The following PARD3 variants were observed in gnomAD, a reference collection of about 807,000 sequenced individuals.
PARD3 encodes par-3 family cell polarity regulator, also known as partitioning defective 3 homolog.
A neutral mutation model predicts 155.4 loss-of-function variants in PARD3; 75 were observed. That is an observed-to-expected ratio of 0.48 (90% confidence interval 0.40 to 0.58). The LOEUF (loss-of-function observed/expected upper bound fraction) is 0.58, where lower values mean the gene tolerates loss of function less well. PARD3 is among the 20% of genes least tolerant of loss of function. The pLI is 0.00. For synonymous variants in PARD3, 576 were observed against 610.5 expected, an observed-to-expected ratio of 0.94 and a Z score of 0.83; for missense variants, 1,642 against 1,721.7, an observed-to-expected ratio of 0.95 and a Z score of 0.82.
chr10:34,545,383 A>G (rs1378607498), intron 2 of PARD3, among the ~76,000 whole-genome samples: 1 of 152,214 alleles, frequency 6.6e-6, no homozygotes, highest in African/African-American at 2.4e-5. Context: ...TGTTAGGGCC[A>G]AACACCAGCA....
intron 2 of PARD3, among the ~76,000 whole-genome samples, chr10:34,641,464 A>G (rs1048130248): frequency 1.3e-5 from 2 of 152,206 alleles, no homozygotes; most frequent in African/African-American, 2.4e-5. Flanking sequence ...TGAGCCCTGC[A>G]TTCTGGTCTT....
chr10:34,415,684 C>T (rs765827192), intron 5 of PARD3, among the ~76,000 whole-genome samples: 10 of 152,158 alleles, frequency 6.6e-5, no homozygotes, highest in Non-Finnish European at 1.2e-4. Context: ...TATGGCACCT[C>T]AGTGGGATTA....
intron 2 of PARD3, among the ~76,000 whole-genome samples, chr10:34,610,633 C>T (rs563054573): frequency 1.3e-5 from 2 of 152,252 alleles, no homozygotes; most frequent in South Asian, 4.1e-4. Context: ...CTAGAATACG[C>T]TAGACAGATT....
chr10:34,209,967 GGAGAT>G (rs1951660842), intron 22 of PARD3, among the ~76,000 whole-genome samples: 3 of 152,254 alleles, frequency 2.0e-5, no homozygotes, highest in African/African-American at 7.2e-5. Flanking sequence ...CTTACCTAGT[GGAGAT>G]GAGACTCATT....
chr10:34,801,171 C>T (rs1167519183), intron 1 of PARD3, among the ~76,000 whole-genome samples: 1 of 152,196 alleles, frequency 6.6e-6, no homozygotes, highest in Non-Finnish European at 1.5e-5. Flanking sequence ...AAAATACATT[C>T]CTATCTCCCG....
At chr10:34,183,637 T>C (rs1368512537) in intron 22 of PARD3, among the ~76,000 whole-genome samples, 1 of 152,154 alleles carries the variant, frequency 6.6e-6, no homozygotes, top group Non-Finnish European at 1.5e-5. Flanking sequence ...TGCATTTGCA[T>C]ATTAAAAGTC....
At chr10:34,798,198 A>T (rs981112122) in intron 1 of PARD3, among the ~76,000 whole-genome samples, 13 of 152,000 alleles carry the variant, frequency 8.6e-5, no homozygotes, top group African/African-American at 3.1e-4. Context: ...GCATGGTAGC[A>T]TGTACCTGTA....
At position 34,109,813 on chromosome 10, in the gene PARD3, TAAA is replaced by T. The variant is rs201800272; in HGVS notation, c.*1353_*1355del. On this transcript the variant is annotated 3_prime_UTR_variant, in exon 25 of 25. Transcript: ENST00000374788. ...TCAACACAAAAATACAATGTGCCAA[TAAA>T]AAAAAAATAGACATATCCATACATG... 1 of 147,824 alleles carries T rather than the reference TAAA, an allele frequency of 6.8e-6. No individual in the cohort carries two copies. Among genetic ancestry groups the T allele is most frequent in the African/African-American group, 2.5e-5 (1 of 40,432 alleles). The allele number at this position is 147,824 out of a possible 1,614,324, so 9.2% of individuals were successfully genotyped here.
chr10:34,496,695 G>A (rs530576221), intron 3 of PARD3, among the ~76,000 whole-genome samples: 12 of 152,236 alleles, frequency 7.9e-5, no homozygotes, highest in Middle Eastern at 3.4e-3. Context: ...ATGCACAGGG[G>A]TCAGGCAGGA....
At chr10:34,329,635 C>A (rs1281378801) in intron 19 of PARD3, among the ~76,000 whole-genome samples, 1 of 151,904 alleles carries the variant, frequency 6.6e-6, no homozygotes, top group African/African-American at 2.4e-5. Context: ...CACCAGGAGG[C>A]TGCAACTGGG....
At chr10:34,746,138 A>G (rs1835301197) in intron 1 of PARD3, among the ~76,000 whole-genome samples, 1 of 151,882 alleles carries the variant, frequency 6.6e-6, no homozygotes, top group Non-Finnish European at 1.5e-5. Context: ...AGAAACAAAG[A>G]AGCCACTAAA....
At chr10:34,702,438 T>C (rs1307007448) in intron 1 of PARD3, among the ~76,000 whole-genome samples, 1 of 152,090 alleles carries the variant, frequency 6.6e-6, no homozygotes, top group Non-Finnish European at 1.5e-5. Flanking sequence ...AAGTCTGTAG[T>C]AATTAAAGCC....
At chr10:34,198,842 C>A (rs1588720839) in intron 22 of PARD3, among the ~76,000 whole-genome samples, 1 of 152,242 alleles carries the variant, frequency 6.6e-6, no homozygotes, top group East Asian at 1.9e-4. Context: ...GGGACTGTGT[C>A]ACGATGGGTG....
intron 1 of PARD3, among the ~76,000 whole-genome samples, chr10:34,720,354 G>A (rs2094584529): frequency 6.7e-6 from 1 of 149,068 alleles, no homozygotes; most frequent in Non-Finnish European, 1.5e-5. Context: ...GATTCTCTGA[G>A]GCAGAAGAAT....
intron 19 of PARD3, among the ~76,000 whole-genome samples, chr10:34,329,570 C>A (rs1835395940): frequency 6.6e-6 from 1 of 152,064 alleles, no homozygotes; most frequent in Admixed American, 6.6e-5. Flanking sequence ...CCTCATCCTG[C>A]AAGAATGGGC....
chr10:34,550,161 C>T (rs1224992223), intron 2 of PARD3, among the ~76,000 whole-genome samples: 1 of 152,206 alleles, frequency 6.6e-6, no homozygotes, highest in South Asian at 2.1e-4. Flanking sequence ...TGCACACATG[C>T]ATGGTGAGGA....
At chr10:34,767,717 G>A (rs1838283902) in intron 1 of PARD3, among the ~76,000 whole-genome samples, 1 of 151,884 alleles carries the variant, frequency 6.6e-6, no homozygotes, top group Admixed American at 6.6e-5. Flanking sequence ...TCCTGCCTCA[G>A]CCTCCTGAGT....
intron 1 of PARD3, among the ~76,000 whole-genome samples, chr10:34,732,928 C>T (rs1250711599): frequency 6.6e-6 from 1 of 152,118 alleles, no homozygotes; most frequent in Non-Finnish European, 1.5e-5. Flanking sequence ...TGAGGGACAG[C>T]CATCGGGCAC....
chr10:34,787,682 A>G (rs1841141795), intron 1 of PARD3, among the ~76,000 whole-genome samples: 1 of 152,212 alleles, frequency 6.6e-6, no homozygotes, highest in Admixed American at 6.5e-5. Flanking sequence ...GGGAGAAAAG[A>G]TAACCGTCAT....
Sources: gnomAD v4.1 joint callset for allele counts (sites outside exome capture counted in the v4.1 genomes callset) on GRCh38, gnomAD v4.1.1 for gene constraint, MANE v1.5 for transcripts, NCBI Gene and HGNC (gene_info 2026-07-23, HGNC 2026-07-21) for gene names.